Variants in CSMD1 observed in about 807,000 individuals in gnomAD.
CSMD1 encodes the protein CUB and Sushi multiple domains 1, also known as CUB and sushi domain-containing protein 1.
CSMD1 carries 213 observed loss-of-function variants against 417.5 expected under a neutral mutation model. The observed-to-expected ratio is 0.51, with a 90% CI of 0.46 to 0.57. The LOEUF is 0.57. Ranked by LOEUF, CSMD1 falls within the 20% of genes least tolerant of loss-of-function variation. CSMD1 has a pLI of 0.00. For missense variants in CSMD1, 6,923 were observed against 4,529.7 expected (o/e 1.53, Z -15.17); for synonymous variants, 2,862 against 1,736.8 (o/e 1.65, Z -16.11).
intron 5 of CSMD1, among the ~76,000 whole-genome samples, chr8:3,897,665 T>C (rs746699359): frequency 1.3e-5 from 2 of 152,102 alleles, no homozygotes; most frequent in Non-Finnish European, 2.9e-5. Flanking sequence ...TCGTTAATAA[T>C]AGAATTATTA....
At chr8:4,714,907 T>A (rs1162501196) in intron 1 of CSMD1, among the ~76,000 whole-genome samples, 2 of 152,356 alleles carry the variant, frequency 1.3e-5, no homozygotes, top group East Asian at 1.9e-4. Flanking sequence ...AATTTGACTA[T>A]GATCCATAGC....
intron 5 of CSMD1, among the ~76,000 whole-genome samples, chr8:3,776,069 T>C (rs1798870511): frequency 6.6e-6 from 1 of 152,146 alleles, no homozygotes; most frequent in African/African-American, 2.4e-5. Flanking sequence ...TACACCTACC[T>C]TGTCCATACA....
At chr8:3,157,058 A>G (rs1012513972) in intron 39 of CSMD1, among the ~76,000 whole-genome samples, 3 of 152,082 alleles carry the variant, frequency 2.0e-5, no homozygotes, top group African/African-American at 7.2e-5. Context: ...CAGGAGAACA[A>G]CAATAGGTTT....
At chr8:3,588,961 A>C (rs1209561227) in intron 8 of CSMD1, among the ~76,000 whole-genome samples, 4 of 152,124 alleles carry the variant, frequency 2.6e-5, no homozygotes, top group Non-Finnish European at 4.4e-5. Flanking sequence ...AAAAACGACC[A>C]ACAGGTATAT....
chr8:4,222,915 G>C (rs1327971774), intron 3 of CSMD1, among the ~76,000 whole-genome samples: 4 of 151,920 alleles, frequency 2.6e-5, no homozygotes, highest in Non-Finnish European at 4.4e-5. Flanking sequence ...GTTATGCAAA[G>C]CGTTTATAAT....
At chr8:3,821,695 C>T (rs1019626217) in intron 5 of CSMD1, among the ~76,000 whole-genome samples, 1 of 152,162 alleles carries the variant, frequency 6.6e-6, no homozygotes, top group Admixed American at 6.5e-5. Context: ...GGCAAGAGAA[C>T]TGCTTGAACC....
intron 5 of CSMD1, among the ~76,000 whole-genome samples, chr8:3,961,984 C>T (rs1812360175): frequency 6.6e-6 from 1 of 152,186 alleles, no homozygotes; most frequent in South Asian, 2.1e-4. Context: ...AGCAAAACAT[C>T]ACAAAGTTGC....
chr8:4,020,384 T>G (rs1047169554), intron 4 of CSMD1, among the ~76,000 whole-genome samples: 5 of 152,202 alleles, frequency 3.3e-5, no homozygotes, highest in Middle Eastern at 3.2e-3. Context: ...ATTTAATCCT[T>G]AAACTGACAC....
At chr8:4,162,937 G>C (rs561551660) in intron 3 of CSMD1, among the ~76,000 whole-genome samples, 53 of 152,186 alleles carry the variant, frequency 3.5e-4, no homozygotes, top group African/African-American at 1.3e-3. Flanking sequence ...TCTTTTTACT[G>C]TCTCTACAGT....
chr8:3,119,384 TAAAAAAAAAAA>T lies in CSMD1; in HGVS notation c.6242-808_6242-798del, dbSNP rs34060531. 1.5e-3 allele frequency among the ~76,000 whole-genome samples: 133 copies of T among 88,276 alleles called. 1 individual carries two copies. In the South Asian group the frequency reaches 0.019, roughly 13 times the overall value. 57.9% of individuals were successfully genotyped at this position (88,276 alleles called of 152,430 possible). On this transcript the variant is annotated intron_variant, in intron 41 of 69. Transcript: ENST00000635120. ...CATTGCAGTTTTTTTAGTCTTTTTC[TAAAAAAAAAAA>T]AAAAAAAAAAAAAAAAACACTGTAT... is the stretch of plus-strand genomic sequence containing the variant.
chr8:4,548,153 T>G (rs993147055), intron 2 of CSMD1, among the ~76,000 whole-genome samples: 4 of 152,136 alleles, frequency 2.6e-5, no homozygotes, highest in Non-Finnish European at 5.9e-5. Context: ...ACCGAATGTC[T>G]AGGATTGGAG....
intron 12 of CSMD1, among the ~76,000 whole-genome samples, chr8:3,412,424 T>C (rs535356421): frequency 3.3e-5 from 5 of 152,218 alleles, no homozygotes; most frequent in East Asian, 3.9e-4. Flanking sequence ...GTGAGGGATA[T>C]AGAAACGTTC....
intron 2 of CSMD1, among the ~76,000 whole-genome samples, chr8:4,593,469 G>C (rs772889800): frequency 6.6e-6 from 1 of 152,108 alleles, no homozygotes; most frequent in Non-Finnish European, 1.5e-5. Flanking sequence ...TTTAGTGAAA[G>C]TGAAACATAA....
intron 54 of CSMD1, among the ~76,000 whole-genome samples, chr8:2,990,311 T>C (rs536798124): frequency 7.2e-5 from 11 of 152,214 alleles, no homozygotes; most frequent in Non-Finnish European, 1.2e-4. Flanking sequence ...GAGAACTGAA[T>C]GAGTTAACGT....
At chr8:4,698,055 A>G (rs1267126061) in intron 1 of CSMD1, among the ~76,000 whole-genome samples, 1 of 152,158 alleles carries the variant, frequency 6.6e-6, no homozygotes, top group Non-Finnish European at 1.5e-5. Context: ...AGGGTTCATC[A>G]AAATATTAAG....
intron 5 of CSMD1, among the ~76,000 whole-genome samples, chr8:3,757,078 C>T (rs1047729303): frequency 6.6e-6 from 1 of 152,172 alleles, no homozygotes; most frequent in Non-Finnish European, 1.5e-5. Context: ...GCTGGGATTA[C>T]AGGCGTGAAC....
At chr8:3,099,152 G>A (rs1815554497) in intron 46 of CSMD1, among the ~76,000 whole-genome samples, 1 of 151,928 alleles carries the variant, frequency 6.6e-6, no homozygotes, top group Non-Finnish European at 1.5e-5. Flanking sequence ...AGTGAAGCCA[G>A]CAGACTTCAC....
chr8:3,801,764 T>A (rs900945155), intron 5 of CSMD1, among the ~76,000 whole-genome samples: 5 of 152,116 alleles, frequency 3.3e-5, no homozygotes, highest in Admixed American at 6.6e-5. Flanking sequence ...TAATATAGCA[T>A]ACACATTCAG....
In CSMD1 at chr8:2,954,276, TA is replaced by T; in HGVS notation, c.9995-9del. 4 of 1,429,256 alleles carry T rather than the reference TA, an allele frequency of 2.8e-6. No individual in the cohort carries two copies. Among genetic ancestry groups the T allele is most frequent in the Non-Finnish European group, 3.8e-6 (4 of 1,053,694 alleles). 88.5% of individuals were successfully genotyped at this position (1,429,256 alleles called of 1,614,324 possible). ...CTTCTCTCACTCCTTTACCTACAAG[TA>T]AAAAGACAAATTATCATTTTAAAAA... On this transcript the variant is annotated splice_polypyrimidine_tract_variant and intron_variant, in intron 64 of 69. Transcript: ENST00000635120.
Sources: allele counts gnomAD v4.1 joint callset (sites outside exome capture counted in the v4.1 genomes callset), GRCh38; gene constraint gnomAD v4.1.1; transcripts MANE v1.5; gene names NCBI Gene and HGNC (gene_info 2026-07-23, HGNC 2026-07-21).